LRRC7: variants seen among roughly 807,000 people sequenced by gnomAD.
The protein encoded by LRRC7 is leucine-rich repeat-containing protein 7.
A neutral mutation model predicts 175.7 loss-of-function variants in LRRC7; 23 were observed. That is an observed-to-expected ratio of 0.13 (90% CI 0.09 to 0.19). LRRC7 has a LOEUF of 0.19. LRRC7 is among the 10% of genes least tolerant of loss of function. The probability of loss-of-function intolerance (pLI) is 1.00; values close to 1 mark genes in which losing one functional copy is unlikely to be tolerated. For missense variants in LRRC7, 1,354 were observed against 1,904.7 expected (o/e 0.71, Z 5.38); for synonymous variants, 685 against 680.9 (o/e 1.01, Z -0.09).
chr1:69,805,995 T>C (rs942669322), intron 4 of LRRC7, among the ~76,000 whole-genome samples: 5 of 151,916 alleles, frequency 3.3e-5, no homozygotes, highest in Non-Finnish European at 4.4e-5. Context: ...CTGTCTTCCA[T>C]GTCTCAGTAG....
In LRRC7 at chr1:70,125,092, AT is replaced by A. The variant is rs1666387423; in HGVS notation, c.*3206del. On this transcript the variant is annotated 3_prime_UTR_variant, in exon 27 of 27. Coordinates refer to ENST00000651989, the MANE Select transcript of LRRC7 (RefSeq NM_001370785.2). ...TGACAACACAGTAACCTAAACATAC[AT>A]AGTAACTCCAAAGTATAAGTGCATT... Among the ~76,000 whole-genome samples the A allele has an allele frequency of 6.6e-6, 1 of 152,262 alleles. No individual in the cohort carries two copies. The highest frequency in any genetic ancestry group is 1.5e-5 in the Non-Finnish European group (1 of 68,048).
intron 3 of LRRC7, among the ~76,000 whole-genome samples, chr1:69,774,933 T>C (rs1367172406): frequency 6.6e-6 from 1 of 150,892 alleles, no homozygotes; most frequent in Admixed American, 6.6e-5. Context: ...CAAGAAGTAA[T>C]AGCTAAAAGA....
intron 7 of LRRC7, chr1:69,879,720 A>C (rs774078424): frequency 6.6e-6 from 1 of 152,322 alleles, no homozygotes; most frequent in African/African-American, 2.4e-5. Flanking sequence ...TTTGGCATCA[A>C]TATGGTGACC....
At chr1:70,110,775 C>T (rs1452375821) in intron 26 of LRRC7, among the ~76,000 whole-genome samples, 1 of 152,060 alleles carries the variant, frequency 6.6e-6, no homozygotes, top group Non-Finnish European at 1.5e-5. Context: ...TTCAGTCATA[C>T]TAATTAAAAA....
At chr1:69,910,105 T>G (rs1646474215) in intron 7 of LRRC7, among the ~76,000 whole-genome samples, 1 of 152,236 alleles carries the variant, frequency 6.6e-6, no homozygotes, top group South Asian at 2.1e-4. Flanking sequence ...TTCTCGAGCC[T>G]TGGCTTTCAT....
intron 3 of LRRC7, among the ~76,000 whole-genome samples, chr1:69,784,826 A>C (rs1258778193): frequency 1.3e-5 from 2 of 152,142 alleles, no homozygotes; most frequent in Non-Finnish European, 2.9e-5. Flanking sequence ...GAGTTATTAA[A>C]TTTTAGTTTG....
At chr1:69,723,406 T>C (rs1666585699) in intron 2 of LRRC7, among the ~76,000 whole-genome samples, 1 of 152,128 alleles carries the variant, frequency 6.6e-6, no homozygotes, top group South Asian at 2.1e-4. Flanking sequence ...TGTCTCAAAA[T>C]ACCAAAAATG....
intron 2 of LRRC7, among the ~76,000 whole-genome samples, chr1:69,727,517 T>A (rs1252397744): frequency 6.6e-6 from 1 of 152,164 alleles, no homozygotes; most frequent in Non-Finnish European, 1.5e-5. Context: ...CACTGAGTTG[T>A]CACTAGTACC....
At chr1:69,919,767 C>T in intron 7 of LRRC7, 3 of 939,418 alleles carry the variant, frequency 3.2e-6, no homozygotes, top group Non-Finnish European at 5.1e-6. Context: ...CCCTGGTTTG[C>T]GCGGCGGACG....
rs562988057 is a variant in LRRC7, at chr1:69,702,953, C to G, written c.100+24475C>G. Among the ~76,000 whole-genome samples, 8 of 152,022 alleles carry G rather than the reference C, an allele frequency of 5.3e-5. No homozygotes were observed. The South Asian group carries it at 1.7e-3, about 32-fold the overall frequency. On this transcript the variant is annotated intron_variant, in intron 2 of 26. Transcript: ENST00000651989. Reference sequence around the variant, plus strand: ...CATTATTCAGATGTGTTTTCCTCTCCTAGGATCAATTGCAGTGTTTATTAC... The same window carrying G: ...CATTATTCAGATGTGTTTTCCTCTCGTAGGATCAATTGCAGTGTTTATTAC...
chr1:69,936,073 T>C (rs1289670637), intron 8 of LRRC7, among the ~76,000 whole-genome samples: 1 of 152,170 alleles, frequency 6.6e-6, no homozygotes, highest in African/African-American at 2.4e-5. Flanking sequence ...CACATGGATA[T>C]GAGTATCACC....
chr1:69,762,099 A>G (rs1353695381), intron 3 of LRRC7, among the ~76,000 whole-genome samples: 3 of 151,956 alleles, frequency 2.0e-5, no homozygotes, highest in Admixed American at 1.3e-4. Flanking sequence ...AATTTTTTTT[A>G]TTTACATGAT....
intron 7 of LRRC7, among the ~76,000 whole-genome samples, chr1:69,888,394 T>C (rs1357345312): frequency 1.3e-5 from 2 of 152,152 alleles, no homozygotes; most frequent in Non-Finnish European, 2.9e-5. Flanking sequence ...GGTGCGTCCG[T>C]CACCCCTTTC....
At chr1:69,647,594 T>C (rs1655181397) in intron 1 of LRRC7, among the ~76,000 whole-genome samples, 2 of 151,952 alleles carry the variant, frequency 1.3e-5, no homozygotes, top group African/African-American at 4.8e-5. Flanking sequence ...TATTTTTACT[T>C]GTTTTTTTTC....
intron 2 of LRRC7, among the ~76,000 whole-genome samples, chr1:69,749,424 A>T (rs1242657731): frequency 6.6e-6 from 1 of 152,162 alleles, no homozygotes; most frequent in Non-Finnish European, 1.5e-5. Context: ...TTTTAAAAAG[A>T]AGACAAATTT....
chr1:69,627,592 G>A (rs894031743), intron 1 of LRRC7, among the ~76,000 whole-genome samples: 1 of 152,076 alleles, frequency 6.6e-6, no homozygotes, highest in Non-Finnish European at 1.5e-5. Flanking sequence ...GATCCCATTT[G>A]TTAATTTTGA....
In LRRC7 at chr1:70,137,513, C is replaced by A. The variant is rs1666918400; in HGVS notation, c.*15626C>A. Among the ~76,000 whole-genome samples the A allele has an allele frequency of 6.6e-6, 1 of 152,180 alleles. No individual in the cohort carries two copies. The highest frequency in any genetic ancestry group is 2.4e-5 in the African/African-American group (1 of 41,436). On this transcript the variant is annotated 3_prime_UTR_variant, in exon 27 of 27. Transcript: ENST00000651989. Reference sequence around the variant, plus strand: ...TTAACACTTATCATGTACCTACATACAAGGAAAACATTAGTCTTTACTGTT... The same window carrying A: ...TTAACACTTATCATGTACCTACATAAAAGGAAAACATTAGTCTTTACTGTT...
chr1:69,604,014 G>A (rs529189346), intron 1 of LRRC7, among the ~76,000 whole-genome samples: 6 of 151,950 alleles, frequency 3.9e-5, no homozygotes, highest in Non-Finnish European at 5.9e-5. Flanking sequence ...TAAAAAATTC[G>A]AATATCAAAT....
At chr1:69,970,979 A>G (rs1652176239) in intron 8 of LRRC7, among the ~76,000 whole-genome samples, 1 of 152,144 alleles carries the variant, frequency 6.6e-6, no homozygotes, top group Non-Finnish European at 1.5e-5. Flanking sequence ...TTTAACATAC[A>G]CAAGTCAACA....
Sources: gnomAD v4.1 joint callset for allele counts (sites outside exome capture counted in the v4.1 genomes callset) on GRCh38, gnomAD v4.1.1 for gene constraint, MANE v1.5 for transcripts, NCBI Gene and HGNC (gene_info 2026-07-23, HGNC 2026-07-21) for gene names.